The following PDGFRL variants were observed in gnomAD, a reference collection of about 807,000 sequenced individuals.
PDGFRL encodes platelet derived growth factor receptor like.
A neutral mutation model predicts 37.2 loss-of-function variants in PDGFRL; 46 were observed. That is an observed-to-expected ratio of 1.24 (90% confidence interval 0.98 to 1.58). The LOEUF is 1.58. Ranked by LOEUF, PDGFRL falls within the 40% of genes most tolerant of loss-of-function variation. PDGFRL has a pLI of 0.00. For missense variants in PDGFRL, 692 were observed against 467.6 expected (o/e 1.48, Z -4.43); for synonymous variants, 251 against 184.3 (o/e 1.36, Z -2.93).
At chr8:17,579,544 T>TTTATTATTA (rs758303902) in intron 1 of PDGFRL, among the ~76,000 whole-genome samples, 1 of 130,262 alleles carries the variant, frequency 7.7e-6, no homozygotes, top group Non-Finnish European at 1.7e-5. Flanking sequence ...TTATTATTAT[T>TTTATTATTA]TTATTATTAT....
Position 17,612,914 on chromosome 8 carries a change from TTCTA to T in PDGFRL, c.354-8133_354-8130del, listed in dbSNP as rs367792365. Among the ~76,000 whole-genome samples, 926 of 152,264 alleles carry T rather than the reference TTCTA, an allele frequency of 6.1e-3. 6 individuals are homozygous for T. The highest frequency in any genetic ancestry group is 0.01 in the Middle Eastern group (3 of 294). On this transcript the variant is annotated intron_variant, in intron 2 of 5. Coordinates refer to ENST00000251630, the MANE Select transcript of PDGFRL (RefSeq NM_001372073.1). The stretch of plus-strand genomic sequence containing the variant: ...TTTTATGTGTAAAGTTATCAAAATA[TTCTA>T]TCTCTTTTATGATTAACTTTTCCCG...
At chr8:17,580,930 G>A (rs9792282) in intron 1 of PDGFRL, among the ~76,000 whole-genome samples, 17,317 of 148,332 alleles carry the variant, frequency 0.12, 1,042 homozygotes, top group South Asian at 0.16. Context: ...TCTTCTCCCC[G>A]TGTCTGTCTT....
chr8:17,641,730 C>T (rs1328207243), intron 5 of PDGFRL, among the ~76,000 whole-genome samples: 1 of 152,134 alleles, frequency 6.6e-6, no homozygotes, highest in East Asian at 1.9e-4. Flanking sequence ...GAGATTTGGC[C>T]TCCACAAGAC....
intron 2 of PDGFRL, among the ~76,000 whole-genome samples, chr8:17,614,033 G>C (rs1189850687): frequency 6.6e-6 from 1 of 152,182 alleles, no homozygotes; most frequent in Non-Finnish European, 1.5e-5. Flanking sequence ...GTATGCAAAT[G>C]TGGAGATAGA....
intron 2 of PDGFRL, among the ~76,000 whole-genome samples, chr8:17,590,256 A>AAAAAAAAAAAAAAAAAAAAAAAC (rs1803908545): frequency 6.8e-6 from 1 of 147,028 alleles, no homozygotes; most frequent in African/African-American, 2.5e-5. Context: ...AAAAAAAAAA[A>AAAAAAAAAAAAAAAAAAAAAAAC]TTGCAAATCC....
chr8:17,592,837 G>A (rs186520192), intron 2 of PDGFRL, among the ~76,000 whole-genome samples: 37 of 152,078 alleles, frequency 2.4e-4, no homozygotes, highest in African/African-American at 7.7e-4. Flanking sequence ...TAGCTGAGTG[G>A]TTGGCGGTTA....
intron 2 of PDGFRL, among the ~76,000 whole-genome samples, chr8:17,615,166 C>G (rs533839801): frequency 6.6e-6 from 1 of 152,300 alleles, no homozygotes; most frequent in East Asian, 1.9e-4. Context: ...TGCTTAATAA[C>G]TGATGGGTGT....
chr8:17,600,532 C>T lies in PDGFRL; in HGVS notation c.353+10767C>T, dbSNP rs796294646. Among the ~76,000 whole-genome samples, 7 of 151,906 alleles carry T rather than the reference C, an allele frequency of 4.6e-5. No individual in the cohort carries two copies. In the South Asian group the frequency reaches 6.2e-4, roughly 14 times the overall value. On this transcript the variant is annotated intron_variant, in intron 2 of 5. Transcript: ENST00000251630. ...TGGATCTTTCATGAGCTTTTATTTA[C>T]GCTGAACCATCTATCCTAGCAACAG...
At chr8:17,642,541 TG>T in intron 5 of PDGFRL, 71 bp from the exon 6 acceptor site, 1 of 867,442 alleles carries the variant, frequency 1.2e-6, no homozygotes, top group Non-Finnish European at 2.0e-6. Flanking sequence ...CGCTCAACAG[TG>T]TTGGGTGAGT....
At chr8:17,625,744 T>C (rs867373219) in intron 3 of PDGFRL, among the ~76,000 whole-genome samples, 5 of 152,296 alleles carry the variant, frequency 3.3e-5, no homozygotes, top group South Asian at 2.1e-4. Flanking sequence ...ATCTCAGCAC[T>C]TTGGGAGGCC....
At position 17,585,363 on chromosome 8, in the gene PDGFRL, GTC is replaced by G. The variant is rs201977677; in HGVS notation, c.56-4099_56-4098del. The stretch of plus-strand genomic sequence containing the variant: ...TTACCCAGCCCCTATTCAAGATGGA[GTC>G]TCTCTGGTTCGAATCTCTGACAGTA... On this transcript the variant is annotated intron_variant, in intron 1 of 5. Coordinates refer to ENST00000251630, the MANE Select transcript of PDGFRL (RefSeq NM_001372073.1). Among the ~76,000 whole-genome samples, 1,488 of 152,210 alleles carry G rather than the reference GTC, an allele frequency of 9.8e-3. 28 individuals are homozygous for G. Among genetic ancestry groups the G allele is most frequent in the African/African-American group, 0.033 (1,380 of 41,494 alleles).
chr8:17,587,505 C>T (rs1585299700), intron 1 of PDGFRL, among the ~76,000 whole-genome samples: 1 of 152,104 alleles, frequency 6.6e-6, no homozygotes, highest in African/African-American at 2.4e-5. Flanking sequence ...TTATGGGGCA[C>T]AGATTTCTTG....
At chr8:17,614,278 T>C (rs79850590) in intron 2 of PDGFRL, among the ~76,000 whole-genome samples, 436 of 152,338 alleles carry the variant, frequency 2.9e-3, no homozygotes, top group African/African-American at 0.01. Context: ...ATTTTTTCTT[T>C]CTTTTTTAAA....
intron 2 of PDGFRL, among the ~76,000 whole-genome samples, chr8:17,598,089 C>G (rs1457531123): frequency 6.6e-6 from 1 of 152,092 alleles, no homozygotes; most frequent in Non-Finnish European, 1.5e-5. Flanking sequence ...ATGTGTAACA[C>G]AGAGAAAGCA....
chr8:17,616,839 T>A (rs1804539905), intron 2 of PDGFRL, among the ~76,000 whole-genome samples: 1 of 152,156 alleles, frequency 6.6e-6, no homozygotes, highest in South Asian at 2.1e-4. Flanking sequence ...TACCAATGAA[T>A]CATTATCTTG....
intron 4 of PDGFRL, among the ~76,000 whole-genome samples, chr8:17,629,638 C>T (rs757201092): frequency 2.0e-5 from 3 of 152,132 alleles, no homozygotes; most frequent in Non-Finnish European, 4.4e-5. Context: ...TGGTTCATGG[C>T]CCTGCTTGTC....
At chr8:17,577,201 C>T, upstream of PDGFRL, 1 of 1,586,722 alleles carries the variant, frequency 6.3e-7, no homozygotes, top group Non-Finnish European at 8.6e-7. Context: ...CCCTGCGTCC[C>T]CGCCCCGCGC....
At chr8:17,603,237 T>G (rs954907304) in intron 2 of PDGFRL, among the ~76,000 whole-genome samples, 1 of 152,168 alleles carries the variant, frequency 6.6e-6, no homozygotes, top group Non-Finnish European at 1.5e-5. Flanking sequence ...ACCCACCACC[T>G]GGGCCTCGCT....
intron 4 of PDGFRL, among the ~76,000 whole-genome samples, chr8:17,631,413 G>A (rs1395355933): frequency 1.3e-5 from 2 of 152,100 alleles, no homozygotes; most frequent in Admixed American, 6.6e-5. Context: ...GCTCTCTGAA[G>A]TTAGAATTTG....
Sources: allele counts gnomAD v4.1 joint callset (sites outside exome capture counted in the v4.1 genomes callset), GRCh38; gene constraint gnomAD v4.1.1; transcripts MANE v1.5; gene names NCBI Gene and HGNC (gene_info 2026-07-23, HGNC 2026-07-21).